KIF21A: variants seen among roughly 807,000 people sequenced by gnomAD.
The protein encoded by KIF21A is kinesin-like protein KIF21A.
A neutral mutation model predicts 202.9 loss-of-function variants in KIF21A; 114 were observed. That is an observed-to-expected ratio of 0.56 (90% confidence interval 0.48 to 0.66). KIF21A has a LOEUF of 0.66. KIF21A is among the 30% of genes least tolerant of loss of function. KIF21A has a pLI of 0.00. For synonymous variants in KIF21A, 667 were observed against 670.8 expected (o/e 0.99, Z 0.09); for missense variants, 1,677 against 1,994.9 (o/e 0.84, Z 3.04).
At chr12:39,397,988 G>A (rs1010393195) in intron 1 of KIF21A, among the ~76,000 whole-genome samples, 2 of 152,216 alleles carry the variant, frequency 1.3e-5, no homozygotes, top group African/African-American at 2.4e-5. Flanking sequence ...AATATTCTTA[G>A]CCAGACTTTT....
At chr12:39,347,628 A>G (rs1052827709) in intron 11 of KIF21A, among the ~76,000 whole-genome samples, 1 of 152,050 alleles carries the variant, frequency 6.6e-6, no homozygotes, top group Non-Finnish European at 1.5e-5. Context: ...TTGTTTTCAC[A>G]TCAACTTATA....
chr12:39,310,063 C>T (rs1943877288), intron 32 of KIF21A, among the ~76,000 whole-genome samples: 1 of 151,950 alleles, frequency 6.6e-6, no homozygotes, highest in South Asian at 2.1e-4. Flanking sequence ...TTCAAATTGC[C>T]ACTGAATTTA....
intron 10 of KIF21A, among the ~76,000 whole-genome samples, chr12:39,356,257 G>A (rs1321892748): frequency 6.6e-6 from 1 of 152,200 alleles, no homozygotes; most frequent in Non-Finnish European, 1.5e-5. Context: ...GATGATTTAT[G>A]TATGCTGCCC....
At chr12:39,317,777 C>T (rs974676561) in intron 29 of KIF21A, among the ~76,000 whole-genome samples, 23 of 152,116 alleles carry the variant, frequency 1.5e-4, no homozygotes, top group Non-Finnish European at 7.4e-5. Context: ...ATTTAAACAT[C>T]AAGTGGTCTC....
chr12:39,387,532 A>T (rs756545158), intron 1 of KIF21A, among the ~76,000 whole-genome samples: 13 of 152,186 alleles, frequency 8.5e-5, no homozygotes, highest in Non-Finnish European at 1.3e-4. Context: ...GTTGCTAAGG[A>T]CAAGTAACTG....
At chr12:39,308,019 AG>A (rs1943645275) in intron 33 of KIF21A, among the ~76,000 whole-genome samples, 1 of 152,122 alleles carries the variant, frequency 6.6e-6, no homozygotes, top group Non-Finnish European at 1.5e-5. Context: ...TGAGTTAGGA[AG>A]GGCTAAAACA....
intron 12 of KIF21A, among the ~76,000 whole-genome samples, chr12:39,344,331 T>C (rs1170326895): frequency 6.6e-6 from 1 of 152,204 alleles, no homozygotes; most frequent in African/African-American, 2.4e-5. Flanking sequence ...AGTGCTATAC[T>C]TGAGGTTTAG....
intron 1 of KIF21A, among the ~76,000 whole-genome samples, chr12:39,416,809 A>ATGTGTGTATATATGTACATATATG (rs1566271275): frequency 8.6e-5 from 9 of 104,730 alleles, no homozygotes; most frequent in South Asian, 4.2e-4. Context: ...GTACATATAT[A>ATGTGTGTATATATGTACATATATG]TGTGTGTATA....
At chr12:39,433,692 T>G (rs1420681854) in intron 1 of KIF21A, among the ~76,000 whole-genome samples, 1 of 152,156 alleles carries the variant, frequency 6.6e-6, no homozygotes, top group Non-Finnish European at 1.5e-5. Context: ...CACGAAGAAC[T>G]GTACTAATTA....
intron 1 of KIF21A, among the ~76,000 whole-genome samples, chr12:39,390,775 A>T (rs1021410200): frequency 2.0e-5 from 3 of 152,224 alleles, no homozygotes; most frequent in African/African-American, 7.2e-5. Context: ...ATGTCATTCA[A>T]CAAGTGCCTA....
intron 1 of KIF21A, among the ~76,000 whole-genome samples, chr12:39,372,100 G>C (rs1469057017): frequency 1.3e-5 from 2 of 150,596 alleles, no homozygotes; most frequent in Non-Finnish European, 2.9e-5. Context: ...ATTTATTAGA[G>C]ATAAAGCCAA....
At chr12:39,320,071 G>T in intron 27 of KIF21A, 58 bp from the exon 28 acceptor site, 1 of 952,866 alleles carries the variant, frequency 1.0e-6, no homozygotes, top group South Asian at 1.4e-5. Context: ...TACAACTTTG[G>T]TAGATAGTCA....
At chr12:39,376,418 A>G (rs1373178997) in intron 1 of KIF21A, among the ~76,000 whole-genome samples, 1 of 152,062 alleles carries the variant, frequency 6.6e-6, no homozygotes, top group Non-Finnish European at 1.5e-5. Flanking sequence ...TTTTTTATAG[A>G]CATGTAACCA....
At chr12:39,363,047 T>C (rs1949350136) in intron 7 of KIF21A, 51 bp downstream of exon 7, 2 of 1,149,498 alleles carry the variant, frequency 1.7e-6, no homozygotes, top group African/African-American at 3.0e-5. Context: ...ACAAGCTTAT[T>C]TAATAATGAA....
rs146899614 is a variant in KIF21A, at chr12:39,432,364, T to C, written c.44+10563A>G. 1.9e-3 allele frequency among the ~76,000 whole-genome samples: 283 copies of C among 152,286 alleles called. 1 individual carries two copies. Among genetic ancestry groups the C allele is most frequent in the African/African-American group, 6.5e-3 (272 of 41,558 alleles). Reference sequence around the variant, plus strand: ...GAGCAGCACTATTCACTCTCATCAATTCCAATAAACACTCTTTGGTAAAGT... The same window carrying C: ...GAGCAGCACTATTCACTCTCATCAACTCCAATAAACACTCTTTGGTAAAGT... On this transcript the variant is annotated intron_variant, in intron 1 of 37. Transcript: ENST00000361418.
At chr12:39,303,200 G>T in intron 35 of KIF21A, 65 bp from the exon 36 acceptor site, 1 of 1,390,224 alleles carries the variant, frequency 7.2e-7, no homozygotes, top group Non-Finnish European at 1.0e-6. Flanking sequence ...TATTTGTACA[G>T]TCCTAGAAAC....
intron 37 of KIF21A, 55 bp downstream of exon 37, chr12:39,301,425 A>G (rs1942950351): frequency 7.7e-7 from 1 of 1,290,954 alleles, no homozygotes; most frequent in Non-Finnish European, 1.1e-6. Context: ...CAACATATTT[A>G]TTAAATCTGA....
At chr12:39,358,873 G>A (rs1461604212) in intron 7 of KIF21A, among the ~76,000 whole-genome samples, 10 of 151,670 alleles carry the variant, frequency 6.6e-5, no homozygotes, top group Non-Finnish European at 1.5e-4. Context: ...ATTTGTGACT[G>A]AATGATCAGA....
intron 1 of KIF21A, among the ~76,000 whole-genome samples, chr12:39,396,326 G>A (rs1023587362): frequency 1.1e-4 from 16 of 152,174 alleles, no homozygotes; most frequent in African/African-American, 3.9e-4. Context: ...TTTTTAAGCA[G>A]TGAGCAGTCA....
Sources: allele counts gnomAD v4.1 joint callset (sites outside exome capture counted in the v4.1 genomes callset), GRCh38; gene constraint gnomAD v4.1.1; transcripts MANE v1.5; gene names NCBI Gene and HGNC (gene_info 2026-07-23, HGNC 2026-07-21).